Variants in KCNIP1 observed in about 807,000 individuals in gnomAD.
The protein encoded by KCNIP1 is A-type potassium channel modulatory protein KCNIP1.
In KCNIP1, 18 loss-of-function variants were observed where a neutral mutation model predicts 33.0. The ratio of observed to expected loss-of-function variants is 0.55; its 90% CI spans 0.38 to 0.81. The LOEUF (loss-of-function observed/expected upper bound fraction) is 0.81. KCNIP1 is among the 30% of genes least tolerant of loss of function. The probability of loss-of-function intolerance (pLI) is 0.00; values close to 1 mark genes in which losing one functional copy is unlikely to be tolerated. For missense variants in KCNIP1, 238 were observed against 271.6 expected (o/e 0.88, Z 0.87); for synonymous variants, 93 against 98.3 (o/e 0.95, Z 0.32).
intron 1 of KCNIP1, among the ~76,000 whole-genome samples, chr5:170,477,417 G>C (rs1403999324): frequency 6.6e-6 from 1 of 151,702 alleles, no homozygotes; most frequent in African/African-American, 2.4e-5. Flanking sequence ...TTCCTGGGTT[G>C]GCTTTTTTGT....
chr5:170,399,087 A>C (rs1239250525), intron 1 of KCNIP1, among the ~76,000 whole-genome samples: 5 of 152,216 alleles, frequency 3.3e-5, no homozygotes, highest in Admixed American at 1.3e-4. Context: ...AATTAGAAGG[A>C]GCTCTACACT....
intron 1 of KCNIP1, among the ~76,000 whole-genome samples, chr5:170,687,209 T>G (rs1762567724): frequency 1.3e-5 from 2 of 149,884 alleles, no homozygotes; most frequent in Non-Finnish European, 3.0e-5. Context: ...TGAGATGGAG[T>G]CTTGCTCTGT....
intron 1 of KCNIP1, among the ~76,000 whole-genome samples, chr5:170,424,116 T>C (rs893727684): frequency 1.1e-4 from 17 of 152,260 alleles, no homozygotes; most frequent in African/African-American, 3.9e-4. Context: ...GCTCTTTTTC[T>C]TCTGCTGCTG....
chr5:170,629,534 T>G (rs1042599745), intron 1 of KCNIP1, among the ~76,000 whole-genome samples: 1 of 152,182 alleles, frequency 6.6e-6, no homozygotes, highest in African/African-American at 2.4e-5. Context: ...CTGGGATGCC[T>G]GGGTCCCCCA....
rs76203524 is a variant in KCNIP1, at chr5:170,653,049, G to T, written c.62-65709G>T. Among the ~76,000 whole-genome samples the T allele has an allele frequency of 1.0e-3, 152 of 152,268 alleles. 1 individual carries two copies. Among genetic ancestry groups the T allele is most frequent in the African/African-American group, 3.5e-3 (147 of 41,544 alleles). ...GAATGAGAGAGCACACAGCTGGGTC[G>T]GGGGAAGGAGCGAGGGTCTAGGCCT... On this transcript the variant is annotated intron_variant, in intron 1 of 7. Transcript: ENST00000328939.
intron 1 of KCNIP1, among the ~76,000 whole-genome samples, chr5:170,597,478 C>G (rs1758482611): frequency 1.3e-5 from 2 of 152,122 alleles, no homozygotes; most frequent in South Asian, 4.1e-4. Context: ...CCACCCACCC[C>G]CGCACACACA....
chr5:170,690,829 T>C (rs1175600219), intron 1 of KCNIP1, among the ~76,000 whole-genome samples: 2 of 152,236 alleles, frequency 1.3e-5, no homozygotes, highest in African/African-American at 4.8e-5. Flanking sequence ...AAAACTACAC[T>C]CTCCCAATCT....
At chr5:170,552,683 C>A (rs536730182) in intron 1 of KCNIP1, among the ~76,000 whole-genome samples, 1 of 152,180 alleles carries the variant, frequency 6.6e-6, no homozygotes, top group Non-Finnish European at 1.5e-5. Flanking sequence ...AAGGGCTAGA[C>A]CGCACAGGGC....
At chr5:170,696,981 CT>C (rs1478132105) in intron 1 of KCNIP1, among the ~76,000 whole-genome samples, 2 of 152,122 alleles carry the variant, frequency 1.3e-5, no homozygotes, top group Admixed American at 6.5e-5. Flanking sequence ...CCTAAAAGCT[CT>C]CCCCATCCTC....
At chr5:170,546,344 C>T (rs1756408780) in intron 1 of KCNIP1, among the ~76,000 whole-genome samples, 1 of 152,212 alleles carries the variant, frequency 6.6e-6, no homozygotes, top group Admixed American at 6.5e-5. Context: ...TTCCAACCTT[C>T]CATCCTCATT....
intron 1 of KCNIP1, among the ~76,000 whole-genome samples, chr5:170,665,392 G>C (rs1761665802): frequency 6.6e-6 from 1 of 152,044 alleles, no homozygotes; most frequent in South Asian, 2.1e-4. Flanking sequence ...TTCTCCAGCT[G>C]ATCTGAGAGA....
chr5:170,551,952 CTGAG>C (rs987541896), intron 1 of KCNIP1, among the ~76,000 whole-genome samples: 2 of 149,838 alleles, frequency 1.3e-5, no homozygotes, highest in African/African-American at 5.0e-5. Context: ...GCATGTGTGT[CTGAG>C]TGTGTGTATG....
chr5:170,639,145 A>C (rs1315621849), intron 1 of KCNIP1: 1 of 152,212 alleles, frequency 6.6e-6, no homozygotes, highest in African/African-American at 2.4e-5. Context: ...TAATAATAAT[A>C]ATAAACGAAA....
At chr5:170,447,734 G>T (rs1043953810) in intron 1 of KCNIP1, among the ~76,000 whole-genome samples, 11 of 151,928 alleles carry the variant, frequency 7.2e-5, no homozygotes, top group African/African-American at 2.7e-4. Context: ...AGAGATTTCA[G>T]TGGGCCAACG....
At chr5:170,416,333 G>A (rs1338314016) in intron 1 of KCNIP1, among the ~76,000 whole-genome samples, 1 of 152,120 alleles carries the variant, frequency 6.6e-6, no homozygotes, top group African/African-American at 2.4e-5. Flanking sequence ...CCTCATGGGC[G>A]GGCCCTCAAT....
intron 1 of KCNIP1, among the ~76,000 whole-genome samples, chr5:170,599,174 C>A (rs1054509266): frequency 5.3e-5 from 8 of 152,086 alleles, no homozygotes; most frequent in Admixed American, 2.6e-4. Context: ...TGAAAATTTG[C>A]CATTAATCAC....
At chr5:170,461,401 T>C (rs1273538668) in intron 1 of KCNIP1, among the ~76,000 whole-genome samples, 2 of 152,100 alleles carry the variant, frequency 1.3e-5, no homozygotes, top group African/African-American at 4.8e-5. Context: ...CATTACCTGA[T>C]TTCAAACTAT....
chr5:170,397,158 T>A (rs970537531), intron 1 of KCNIP1, among the ~76,000 whole-genome samples: 18 of 152,302 alleles, frequency 1.2e-4, no homozygotes, highest in African/African-American at 4.1e-4. Flanking sequence ...CAACATCCCC[T>A]CCCCATTATG....
At chr5:170,378,672 C>T in intron 1 of KCNIP1, 1 of 1,571,282 alleles carries the variant, frequency 6.4e-7, no homozygotes, top group Non-Finnish European at 8.6e-7. Context: ...TCCCCTGTGC[C>T]CTGACAAGTG....
Sources: gnomAD v4.1 joint callset for allele counts (sites outside exome capture counted in the v4.1 genomes callset) on GRCh38, gnomAD v4.1.1 for gene constraint, MANE v1.5 for transcripts, NCBI Gene and HGNC (gene_info 2026-07-23, HGNC 2026-07-21) for gene names.